SGCD: variants seen among roughly 807,000 people sequenced by gnomAD.
SGCD encodes the protein sarcoglycan delta.
SGCD carries 18 observed loss-of-function variants against 36.6 expected under a neutral mutation model. That is an observed-to-expected ratio of 0.49 (90% CI 0.34 to 0.73). The LOEUF is 0.73. Ranked by LOEUF, SGCD falls within the 30% of genes least tolerant of loss-of-function variation. SGCD has a pLI of 0.01. For synonymous variants in SGCD, 133 were observed against 130.6 expected, an observed-to-expected ratio of 1.02 and a Z score of -0.12; for missense variants, 387 against 346.7, an observed-to-expected ratio of 1.12 and a Z score of -0.92.
chr5:156,069,538 A>T (rs907557791), intron 1 of SGCD, among the ~76,000 whole-genome samples: 3 of 152,056 alleles, frequency 2.0e-5, no homozygotes, highest in African/African-American at 7.3e-5. Flanking sequence ...CTTGTAGAAT[A>T]GTTTGAAGTC....
At chr5:156,359,012 A>G (rs867750753) in intron 3 of SGCD, among the ~76,000 whole-genome samples, 2 of 152,182 alleles carry the variant, frequency 1.3e-5, no homozygotes, top group South Asian at 4.1e-4. Flanking sequence ...AGAAAAATTA[A>G]AAATAAGAAG....
Position 156,576,553 on chromosome 5 carries a change from C to G in SGCD, c.295-12678C>G, listed in dbSNP as rs55975207. ...TACACTCCCACCAACAGTGTAAAAG[C>G]GTTCCTATTTCTCCACATCCTCTCC... On this transcript the variant is annotated intron_variant, in intron 4 of 8. Transcript: ENST00000337851. 1.3e-5 allele frequency among the ~76,000 whole-genome samples: 2 copies of G among 152,174 alleles called. 1 individual carries two copies. The highest frequency in any genetic ancestry group is 4.8e-5 in the African/African-American group (2 of 41,524).
chr5:155,984,155 T>C (rs79309642), intron 1 of SGCD, among the ~76,000 whole-genome samples: 3,722 of 152,318 alleles, frequency 0.024, 161 homozygotes, highest in African/African-American at 0.084. Context: ...CATACTTGAT[T>C]TTCATTTGAT....
At chr5:156,344,700 G>A in intron 3 of SGCD, 23 bp downstream of exon 3, 1 of 1,565,632 alleles carries the variant, frequency 6.4e-7, no homozygotes, top group Non-Finnish European at 8.7e-7. Flanking sequence ...ATCTAGGTTT[G>A]TTTAGCTTTC....
chr5:156,294,388 G>T (rs138659325), intron 3 of SGCD, among the ~76,000 whole-genome samples: 2 of 151,946 alleles, frequency 1.3e-5, no homozygotes, highest in African/African-American at 4.8e-5. Flanking sequence ...CTTGAGGTTC[G>T]GAGTTCAAGA....
chr5:156,350,648 G>A (rs1769204658), intron 3 of SGCD, among the ~76,000 whole-genome samples: 1 of 152,080 alleles, frequency 6.6e-6, no homozygotes, highest in Non-Finnish European at 1.5e-5. Flanking sequence ...TTACTGGCAG[G>A]AGATTGAGAC....
At chr5:155,923,562 A>G (rs1009211251) in intron 1 of SGCD, among the ~76,000 whole-genome samples, 2 of 152,230 alleles carry the variant, frequency 1.3e-5, no homozygotes, top group African/African-American at 2.4e-5. Flanking sequence ...CAATTTCCAC[A>G]CAAGGCCCTT....
intron 3 of SGCD, among the ~76,000 whole-genome samples, chr5:156,365,909 C>CATGTAT (rs2127735108): frequency 8.1e-6 from 1 of 123,232 alleles, no homozygotes; most frequent in East Asian, 5.4e-4. Flanking sequence ...TATGTGTATA[C>CATGTAT]ACATATATAC....
At chr5:156,383,381 T>C (rs1215045647) in intron 3 of SGCD, among the ~76,000 whole-genome samples, 2 of 152,104 alleles carry the variant, frequency 1.3e-5, no homozygotes, top group East Asian at 1.9e-4. Flanking sequence ...CATGTGCATG[T>C]TAGTCCCAGC....
At chr5:156,488,098 GTTTTTTTTT>G (rs559483068) in intron 3 of SGCD, among the ~76,000 whole-genome samples, 3 of 92,538 alleles carry the variant, frequency 3.2e-5, no homozygotes, top group East Asian at 3.1e-4. Flanking sequence ...TTGAAGACAG[GTTTTTTTTT>G]TTTTTTTTTT....
chr5:156,035,565 G>T (rs918054453), intron 1 of SGCD, among the ~76,000 whole-genome samples: 1 of 152,092 alleles, frequency 6.6e-6, no homozygotes, highest in Non-Finnish European at 1.5e-5. Context: ...AGCCATGATT[G>T]TGCCACTGAA....
the SGCD span, among the ~76,000 whole-genome samples, chr5:155,814,868 A>G: frequency 1.3e-5 from 2 of 152,234 alleles, no homozygotes; most frequent in Admixed American, 6.5e-5. Flanking sequence ...ATGATTTCTA[A>G]TGTAAATCTT....
chr5:156,069,713 G>C (rs992600287), intron 1 of SGCD, among the ~76,000 whole-genome samples: 1 of 149,994 alleles, frequency 6.7e-6, no homozygotes. Context: ...ATTCCCTTGG[G>C]CAGTATGGCC....
At chr5:156,714,703 C>T (rs10515741) in intron 7 of SGCD, among the ~76,000 whole-genome samples, 12,319 of 152,238 alleles carry the variant, frequency 0.081, 675 homozygotes, top group Non-Finnish European at 0.12. Context: ...GAGAATTGAT[C>T]GGACGTGTTA....
chr5:156,029,134 G>C (rs1398358495), intron 1 of SGCD, among the ~76,000 whole-genome samples: 1 of 152,118 alleles, frequency 6.6e-6, no homozygotes, highest in African/African-American at 2.4e-5. Context: ...TGCATGAGTA[G>C]TGTCTGATAT....
chr5:155,817,747 T>TA, the SGCD span, among the ~76,000 whole-genome samples: 10 of 152,102 alleles, frequency 6.6e-5, no homozygotes, highest in Admixed American at 1.3e-4. Flanking sequence ...TCTTAATACA[T>TA]AAAAAAATAA....
intron 6 of SGCD, among the ~76,000 whole-genome samples, chr5:156,610,315 C>A (rs1313160681): frequency 2.0e-5 from 3 of 152,178 alleles, no homozygotes; most frequent in Non-Finnish European, 4.4e-5. Context: ...CCACTCCAGA[C>A]CCTGTTTGCC....
chr5:156,736,702 A>G (rs192867943), intron 7 of SGCD, among the ~76,000 whole-genome samples: 23 of 152,346 alleles, frequency 1.5e-4, no homozygotes, highest in African/African-American at 4.3e-4. Context: ...CATCTGTTCA[A>G]TAGGGATTCT....
chr5:156,696,996 G>A (rs933161438), intron 7 of SGCD, among the ~76,000 whole-genome samples: 4 of 150,622 alleles, frequency 2.7e-5, no homozygotes, highest in East Asian at 2.0e-4. Flanking sequence ...GTTTCCAGAC[G>A]CTTGAGTGTC....
Sources: gnomAD v4.1 joint callset for allele counts (sites outside exome capture counted in the v4.1 genomes callset) on GRCh38, gnomAD v4.1.1 for gene constraint, MANE v1.5 for transcripts, NCBI Gene and HGNC (gene_info 2026-07-23, HGNC 2026-07-21) for gene names.